Variants in KIF13B observed in about 807,000 individuals in gnomAD.
KIF13B encodes kinesin family member 13B.
KIF13B carries 127 observed loss-of-function variants against 222.0 expected under a neutral mutation model. That is an observed-to-expected ratio of 0.57 (90% CI 0.50 to 0.66). The LOEUF (loss-of-function observed/expected upper bound fraction) is 0.66. KIF13B is among the 30% of genes least tolerant of loss of function. KIF13B has a pLI of 0.00. For missense variants in KIF13B, 2,173 were observed against 2,379.0 expected, an observed-to-expected ratio of 0.91 and a Z score of 1.80; for synonymous variants, 976 against 919.0, an observed-to-expected ratio of 1.06 and a Z score of -1.12.
At chr8:29,186,005 T>C (rs575852974) in intron 6 of KIF13B, among the ~76,000 whole-genome samples, 105 of 152,278 alleles carry the variant, frequency 6.9e-4, no homozygotes, top group African/African-American at 2.5e-3. Flanking sequence ...AAACTCACTG[T>C]CCTAAAGACT....
chr8:29,076,878 G>A lies in KIF13B; in HGVS notation c.4459-1535C>T, dbSNP rs1029616972. 2.0e-5 allele frequency among the ~76,000 whole-genome samples: 3 copies of A among 152,180 alleles called. No homozygotes were observed. In the East Asian group the frequency reaches 5.8e-4, roughly 29 times the overall value. ...CAGTCCCAGCTCCTCAGGAGGCTGAGGCAGGAGAATCACTTAAGCCCAGGA... is the reference window on the plus strand; with the variant it reads ...CAGTCCCAGCTCCTCAGGAGGCTGAAGCAGGAGAATCACTTAAGCCCAGGA... On this transcript the variant is annotated intron_variant, in intron 37 of 39. Transcript: ENST00000524189.
At chr8:29,229,856 T>C (rs1328575808) in intron 2 of KIF13B, among the ~76,000 whole-genome samples, 1 of 152,260 alleles carries the variant, frequency 6.6e-6, no homozygotes, top group Non-Finnish European at 1.5e-5. Flanking sequence ...AGGGCATCAT[T>C]TGTTATTAGA....
At chr8:29,258,637 T>C (rs530844361) in intron 1 of KIF13B, among the ~76,000 whole-genome samples, 25 of 152,290 alleles carry the variant, frequency 1.6e-4, no homozygotes, top group African/African-American at 4.6e-4. Flanking sequence ...TTCTAGTCTC[T>C]GTGTCCTCAC....
chr8:29,203,029 C>T (rs1813767805), intron 2 of KIF13B, among the ~76,000 whole-genome samples: 1 of 152,130 alleles, frequency 6.6e-6, no homozygotes, highest in Non-Finnish European at 1.5e-5. Flanking sequence ...TACATAAAGC[C>T]GAAACTGTTT....
At chr8:29,262,486 G>C (rs1015841409) in intron 1 of KIF13B, among the ~76,000 whole-genome samples, 1 of 152,138 alleles carries the variant, frequency 6.6e-6, no homozygotes, top group Admixed American at 6.5e-5. Flanking sequence ...TCCCGCCGCG[G>C]GCCAAGGCGG....
At chr8:29,244,658 T>C (rs986110042) in intron 2 of KIF13B, among the ~76,000 whole-genome samples, 6 of 152,208 alleles carry the variant, frequency 3.9e-5, no homozygotes, top group African/African-American at 1.2e-4. Flanking sequence ...AGGTCTTCTG[T>C]AATCTTATCC....
intron 5 of KIF13B, 147 bp from the exon 6 acceptor site, chr8:29,186,619 A>G (rs1812940896): frequency 1.6e-6 from 1 of 619,026 alleles, no homozygotes; most frequent in Non-Finnish European, 2.7e-6. Flanking sequence ...TAAGTACAGA[A>G]GCTTTTTTAC....
rs187145887 is a variant in KIF13B, at chr8:29,160,852, G to C, written c.1285C>G (p.Leu429Val). 2 of 1,613,350 alleles carry C rather than the reference G, an allele frequency of 1.2e-6. No individual in the cohort carries two copies. The highest frequency in any genetic ancestry group is 1.7e-6 in the Non-Finnish European group (2 of 1,179,524). The change falls in exon 13 of 40, where the codon CTT becomes GTT. Residue 429 changes from leucine to valine, a missense_variant. Leu to Val is a conservative substitution (Grantham distance 32). This residue lies in a region of KIF13B where 1,480 missense variants were observed against 1,722.8 expected (regional missense o/e 0.86). Transcript: ENST00000524189. ...TGAAGAGATATTCCAAGACTCTCAA[G>C]CTGTTTCTGTCGTTCCTGTAAATGT... is the stretch of plus-strand genomic sequence containing the variant. Reference protein sequence around the residue: ...EEIAQERQKQLESLGISLQSS... With the variant: ...EEIAQERQKQVESLGISLQSS...
At chr8:29,181,613 A>G (rs1812715972) in intron 7 of KIF13B, among the ~76,000 whole-genome samples, 1 of 152,248 alleles carries the variant, frequency 6.6e-6, no homozygotes, top group Non-Finnish European at 1.5e-5. Context: ...AAAAGGAAGT[A>G]TAAGTAGGCC....
Position 29,150,282 on chromosome 8 carries a change from T to C in KIF13B, c.1622+15A>G. ...TCTTCAACAATCTCTTTAAGGGACATGAACAACATCATACCTGAAGAAATG... is the reference window on the plus strand; with the variant it reads ...TCTTCAACAATCTCTTTAAGGGACACGAACAACATCATACCTGAAGAAATG... On this transcript the variant is annotated intron_variant, in intron 15 of 39. Transcript: ENST00000524189. 3 of 1,437,870 alleles carry C rather than the reference T, an allele frequency of 2.1e-6. No individual in the cohort carries two copies. Among genetic ancestry groups the C allele is most frequent in the Non-Finnish European group, 9.7e-7 (1 of 1,028,832 alleles). The allele number at this position is 1,437,870 out of a possible 1,614,324, so 89.1% of individuals were successfully genotyped here. A position where few individuals can be genotyped will look rare whatever the true frequency, so the allele number is the denominator to read the frequency against.
At position 29,130,519 on chromosome 8, in the gene KIF13B, C is replaced by T. The variant is rs750727063; in HGVS notation, c.3075+14G>A. ...CACCAAAGAATCTAATGTAAACATT[C>T]ACAATCTTGTTACCTGCCGGAGCTG... On this transcript the variant is annotated intron_variant, in intron 24 of 39. Transcript: ENST00000524189. 1 of 1,613,334 alleles carries T rather than the reference C, an allele frequency of 6.2e-7. No individual in the cohort carries two copies. The highest frequency in any genetic ancestry group is 1.1e-5 in the South Asian group (1 of 91,018).
intron 14 of KIF13B, among the ~76,000 whole-genome samples, chr8:29,154,489 C>T (rs192780638): frequency 3.0e-4 from 46 of 152,208 alleles, no homozygotes; most frequent in African/African-American, 9.2e-4. Context: ...AATTTAAGAA[C>T]GCAGGGGTTC....
intron 32 of KIF13B, among the ~76,000 whole-genome samples, chr8:29,110,292 G>T (rs577248225): frequency 6.6e-6 from 1 of 152,160 alleles, no homozygotes; most frequent in South Asian, 2.1e-4. Flanking sequence ...GAAACACAGC[G>T]CATTCTCAAC....
At chr8:29,169,155 T>C (rs1422146953) in intron 10 of KIF13B, among the ~76,000 whole-genome samples, 1 of 152,188 alleles carries the variant, frequency 6.6e-6, no homozygotes, top group Non-Finnish European at 1.5e-5. Flanking sequence ...TGAAAATGAG[T>C]TGGTACAATC....
intron 37 of KIF13B, among the ~76,000 whole-genome samples, chr8:29,086,184 G>A (rs1245835972): frequency 6.6e-6 from 1 of 152,198 alleles, no homozygotes; most frequent in Non-Finnish European, 1.5e-5. Flanking sequence ...AGTAATCTAA[G>A]TGTCATCTAA....
At chr8:29,123,692 G>C (rs80149245) in intron 27 of KIF13B, among the ~76,000 whole-genome samples, 200 bp from the exon 28 acceptor site, 3 of 152,176 alleles carry the variant, frequency 2.0e-5, no homozygotes. Context: ...GCCTACAGAG[G>C]GACCGCACAG....
At chr8:29,253,312 C>A (rs1275722359) in intron 1 of KIF13B, among the ~76,000 whole-genome samples, 1 of 152,108 alleles carries the variant, frequency 6.6e-6, no homozygotes, top group African/African-American at 2.4e-5. Flanking sequence ...CTACTACACT[C>A]CAGCCTGGGC....
rs899868318 is a variant in KIF13B, at chr8:29,138,377, A to G, written c.2613+1686T>C. ...ATAAAAATTGTAAATAAAGGGAGAG[A>G]TGCAACATTTATCCTTCCTTTTCTA... On this transcript the variant is annotated intron_variant, in intron 21 of 39. Transcript: ENST00000524189. 2.4e-4 allele frequency: 36 copies of G among 151,102 alleles called. 1 individual carries two copies. The highest frequency in any genetic ancestry group is 8.5e-4 in the African/African-American group (35 of 41,070). 9.4% of individuals were successfully genotyped at this position (151,102 alleles called of 1,614,324 possible). A position where few individuals can be genotyped will look rare whatever the true frequency, so the allele number is the denominator to read the frequency against.
intron 2 of KIF13B, among the ~76,000 whole-genome samples, chr8:29,243,448 G>C (rs966843584): frequency 5.9e-5 from 9 of 152,130 alleles, no homozygotes; most frequent in Admixed American, 5.2e-4. Flanking sequence ...CTTGAGGTCA[G>C]GAGTTTGAGA....
Sources: gnomAD v4.1 joint callset for allele counts (sites outside exome capture counted in the v4.1 genomes callset) on GRCh38, gnomAD v4.1.1 for gene constraint, gnomAD v4.1.1 regional missense constraint, MANE v1.5 for transcripts, NCBI Gene and HGNC (gene_info 2026-07-23, HGNC 2026-07-21) for gene names.